FPR2: variants seen among roughly 807,000 people sequenced by gnomAD.
FPR2 encodes the protein N-formyl peptide receptor 2.
In FPR2, 3 loss-of-function variants were observed where a neutral mutation model predicts 4.0. The observed-to-expected ratio is 0.74, with a 90% CI of 0.34 to 1.92. FPR2 has a LOEUF of 1.92. FPR2 is among the 30% of genes most tolerant of loss of function. The pLI is 0.07. For synonymous variants in FPR2, 179 were observed against 171.5 expected (o/e 1.04, Z -0.34); for missense variants, 372 against 435.7 (o/e 0.85, Z 1.30).
chr19:51,769,001 T>C lies in FPR2; in HGVS notation c.343T>C (p.Leu115=), dbSNP rs1438275437. Residue 115 remains leucine, a synonymous_variant, in exon 2 of 2, where the codon TTG becomes CTG. Coordinates refer to ENST00000340023, the MANE Select transcript of FPR2 (RefSeq NM_001005738.2). The surrounding 1 kb of genome is among the most constrained non-coding windows in gnomAD (Gnocchi z 4.4). ...CATCAACCTCTTTGGAAGTGTCTTC[T>C]TGATTGGTTTCATTGCACTGGACCG... is the stretch of plus-strand genomic sequence containing the variant. ...VDINLFGSVF[L]IGFIALDRCI... 1 of 1,614,244 alleles carries C rather than the reference T, an allele frequency of 6.2e-7. No homozygotes were observed. Among genetic ancestry groups the C allele is most frequent in the Admixed American group, 1.7e-5 (1 of 60,034 alleles).
Position 51,769,611 on chromosome 19 carries a change from C to G in FPR2, c.953C>G (p.Pro318Arg), listed in dbSNP as rs568666289. Residue 318 changes from proline (P) to arginine (R), a missense_variant, in exon 2 of 2, where the codon CCC (proline) becomes CGC (arginine). Coordinates refer to ENST00000340023, the MANE Select transcript of FPR2 (RefSeq NM_001005738.2). This position sits in a 1 kb window ranked among gnomAD's most constrained non-coding sequence, Gnocchi z 4.4. The stretch of plus-strand genomic sequence containing the variant: ...CGAGAGAGACTGATCCACTCCCTGC[C>G]CACCAGTCTGGAGAGGGCCCTGTCT... Reference protein sequence around the residue: ...DFRERLIHSLPTSLERALSED... With the variant: ...DFRERLIHSLRTSLERALSED... 5 of 1,614,148 alleles carry G rather than the reference C, an allele frequency of 3.1e-6. No homozygotes were observed.
intron 1 of FPR2, among the ~76,000 whole-genome samples, chr19:51,766,430 T>G (rs2083868807): frequency 6.6e-6 from 1 of 152,132 alleles, no homozygotes; most frequent in Non-Finnish European, 1.5e-5. Flanking sequence ...GACCCAGATG[T>G]CAAAGGTGCC....
rs139269255 is a variant in FPR2, at chr19:51,763,950, G to C, written c.-15+2720G>C. Among the ~76,000 whole-genome samples the C allele has an allele frequency of 7.4e-3, 1,126 of 152,220 alleles. 12 individuals carry two copies. Among genetic ancestry groups the C allele is most frequent in the African/African-American group, 0.025 (1,059 of 41,532 alleles). On this transcript the variant is annotated intron_variant, in intron 1 of 1. Transcript: ENST00000340023. ...ATTTTTGTATTTTTAGTAGAGATGA[G>C]GTTTCACCATGTTGGCCAGTCTGGT...
Position 51,768,628 on chromosome 19 carries a change from T to C in FPR2, c.-14-17T>C. 6.4e-7 allele frequency: 1 copy of C among 1,554,440 alleles called. No homozygotes were observed. Reference sequence around the variant, plus strand: ...TGGTTCCACAGCTGAGAAATGGCCATTGTTGGAATGTTTCAGGTGCTGCTG... The same window carrying C: ...TGGTTCCACAGCTGAGAAATGGCCACTGTTGGAATGTTTCAGGTGCTGCTG... On this transcript the variant is annotated splice_polypyrimidine_tract_variant and intron_variant, in intron 1 of 1. Coordinates refer to ENST00000340023, the MANE Select transcript of FPR2 (RefSeq NM_001005738.2).
At chr19:51,765,554 T>C (rs906080446) in intron 1 of FPR2, among the ~76,000 whole-genome samples, 1 of 152,216 alleles carries the variant, frequency 6.6e-6, no homozygotes, top group Non-Finnish European at 1.5e-5. Flanking sequence ...ACAGATCCTG[T>C]GAGAGGCGTT....
intron 1 of FPR2, among the ~76,000 whole-genome samples, chr19:51,761,682 A>G (rs751766695): frequency 6.6e-6 from 1 of 152,124 alleles, no homozygotes; most frequent in Non-Finnish European, 1.5e-5. Context: ...AATCCCAGCT[A>G]CTCAGGAGGC....
chr19:51,763,566 G>A (rs1048983602), intron 1 of FPR2: 1 of 152,268 alleles, frequency 6.6e-6, no homozygotes, highest in African/African-American at 2.4e-5. Context: ...AGGAGAAAAA[G>A]TGAGGCAGGG....
intron 1 of FPR2, among the ~76,000 whole-genome samples, chr19:51,768,112 C>T (rs1378314395): frequency 6.6e-6 from 1 of 152,186 alleles, no homozygotes; most frequent in Non-Finnish European, 1.5e-5. Flanking sequence ...TCAAAATTCT[C>T]TTCAACAATA....
At chr19:51,762,852 T>C in intron 1 of FPR2, 1 of 152,366 alleles carries the variant, frequency 6.6e-6, no homozygotes, top group Non-Finnish European at 1.5e-5. Flanking sequence ...TGGCTCTGGC[T>C]GTGCATTCAG....
chr19:51,764,226 T>C (rs928513699), intron 1 of FPR2, among the ~76,000 whole-genome samples: 7 of 152,102 alleles, frequency 4.6e-5, no homozygotes, highest in Non-Finnish European at 1.5e-5. Flanking sequence ...CCTGGGCCAA[T>C]GCAGGGAGGG....
intron 1 of FPR2, chr19:51,763,344 T>G (rs2083851011): frequency 1.3e-5 from 2 of 152,206 alleles, no homozygotes; most frequent in Admixed American, 1.3e-4. Flanking sequence ...TGTGTACATT[T>G]ATCATCTCAT....
At chr19:51,763,904 G>A (rs544934864) in intron 1 of FPR2, among the ~76,000 whole-genome samples, 5 of 152,148 alleles carry the variant, frequency 3.3e-5, no homozygotes, top group East Asian at 3.9e-4. Context: ...GATTGCAAGC[G>A]CGTGCCATCA....
chr19:51,763,122 T>A (rs13343463), intron 1 of FPR2: 1 of 152,048 alleles, frequency 6.6e-6, no homozygotes, highest in African/African-American at 2.4e-5. Flanking sequence ...CCAAGGCTGA[T>A]AGTTTAGATG....
At chr19:51,763,601 A>T (rs2083852502) in intron 1 of FPR2, 3 of 152,182 alleles carry the variant, frequency 2.0e-5, no homozygotes, top group Non-Finnish European at 4.4e-5. Context: ...AACACAGAAA[A>T]CTCCTTCCAA....
intron 1 of FPR2, among the ~76,000 whole-genome samples, chr19:51,768,206 TG>T (rs570168624): frequency 1.7e-4 from 26 of 152,184 alleles, no homozygotes; most frequent in Non-Finnish European, 3.8e-4. Flanking sequence ...GGACAGGAGT[TG>T]GGAGACTGGA....
intron 1 of FPR2, chr19:51,768,321 C>T: frequency 4.5e-6 from 1 of 223,344 alleles, no homozygotes; most frequent in South Asian, 9.3e-5. Context: ...GTGCCTTCCT[C>T]ACAATGCTGA....
Position 51,769,282 on chromosome 19 carries a change from T to C in FPR2, c.624T>C (p.Ile208=), listed in dbSNP as rs749963519. ...LTARGIIRFV[I]GFSLPMSIVA... ...CCAGAGGGATTATCCGGTTTGTCAT[T>C]GGCTTTAGCTTGCCGATGTCCATTG... The change falls in exon 2 of 2, where the codon ATT becomes ATC. Residue 208 remains isoleucine (I), a synonymous_variant. Coordinates refer to ENST00000340023, the MANE Select transcript of FPR2 (RefSeq NM_001005738.2). This position sits in a 1 kb window ranked among gnomAD's most constrained non-coding sequence, Gnocchi z 4.4. 6.2e-7 allele frequency: 1 copy of C among 1,614,212 alleles called. No individual in the cohort carries two copies. The highest frequency in any genetic ancestry group is 8.5e-7 in the Non-Finnish European group (1 of 1,180,032).
intron 1 of FPR2, among the ~76,000 whole-genome samples, chr19:51,764,951 C>G (rs2083860552): frequency 6.6e-6 from 1 of 152,114 alleles, no homozygotes; most frequent in South Asian, 2.1e-4. Flanking sequence ...CTCAGCCTCC[C>G]AAGTAACTGG....
chr19:51,764,258 A>T (rs1321967296), intron 1 of FPR2, among the ~76,000 whole-genome samples: 1 of 152,160 alleles, frequency 6.6e-6, no homozygotes, highest in Non-Finnish European at 1.5e-5. Flanking sequence ...AAGAACAAGA[A>T]GTCTTTATTC....
Sources: allele counts gnomAD v4.1 joint callset (sites outside exome capture counted in the v4.1 genomes callset), GRCh38; gene constraint gnomAD v4.1.1; non-coding constraint Gnocchi (gnomAD v3.1); transcripts MANE v1.5; gene names NCBI Gene and HGNC (gene_info 2026-07-23, HGNC 2026-07-21).